The following ANKS1B variants were observed in gnomAD, a reference collection of about 807,000 sequenced individuals.
The protein encoded by ANKS1B is ankyrin repeat and sterile alpha motif domain-containing protein 1B.
Under a neutral mutation model 148.3 loss-of-function variants are expected in ANKS1B, and 36 were observed. The observed-to-expected ratio is 0.24, with a 90% CI of 0.19 to 0.32. The LOEUF is 0.32. Ranked by LOEUF, ANKS1B falls within the 10% of genes least tolerant of loss-of-function variation. The probability of loss-of-function intolerance (pLI) is 1.00; values close to 1 mark genes in which losing one functional copy is unlikely to be tolerated. For missense variants in ANKS1B, 1,157 were observed against 1,542.6 expected (o/e 0.75, Z 4.19); for synonymous variants, 542 against 560.8 (o/e 0.97, Z 0.47).
At chr12:98,862,170 T>C (rs970619457) in intron 17 of ANKS1B, among the ~76,000 whole-genome samples, 2 of 152,200 alleles carry the variant, frequency 1.3e-5, no homozygotes, top group Non-Finnish European at 2.9e-5. Context: ...TATGCTGACA[T>C]TAAAGTTTCC....
At chr12:98,961,512 A>C (rs2099871399) in intron 17 of ANKS1B, among the ~76,000 whole-genome samples, 1 of 152,202 alleles carries the variant, frequency 6.6e-6, no homozygotes, top group Non-Finnish European at 1.5e-5. Flanking sequence ...CTGAAAGAAA[A>C]GGACATTAAT....
intron 1 of ANKS1B, among the ~76,000 whole-genome samples, chr12:99,901,714 C>T (rs2093607135): frequency 6.6e-6 from 1 of 152,170 alleles, no homozygotes; most frequent in Admixed American, 6.5e-5. Context: ...AACATCAGTG[C>T]TTTCTACTAC....
intron 26 of ANKS1B, among the ~76,000 whole-genome samples, chr12:98,748,159 G>A (rs1331499556): frequency 6.6e-6 from 1 of 152,098 alleles, no homozygotes; most frequent in Non-Finnish European, 1.5e-5. Flanking sequence ...TTACTGATAT[G>A]ATCATTACAT....
At chr12:99,550,332 C>A (rs1002836613) in intron 9 of ANKS1B, among the ~76,000 whole-genome samples, 4 of 152,116 alleles carry the variant, frequency 2.6e-5, no homozygotes, top group African/African-American at 9.7e-5. Flanking sequence ...TATATTTAGT[C>A]AAAATTTCCA....
chr12:99,419,700 A>G (rs911423719), intron 11 of ANKS1B, among the ~76,000 whole-genome samples: 3 of 152,022 alleles, frequency 2.0e-5, no homozygotes, highest in Admixed American at 6.6e-5. Flanking sequence ...ATAGGGTCTC[A>G]CTCTATCCCC....
At chr12:99,026,783 A>T (rs184549622) in intron 17 of ANKS1B, among the ~76,000 whole-genome samples, 81 of 152,322 alleles carry the variant, frequency 5.3e-4, no homozygotes, top group African/African-American at 1.9e-3. Flanking sequence ...ATTCAGATTT[A>T]CAGGAAAGAA....
Position 99,123,013 on chromosome 12 carries a change from T to TATATATATATATAA in ANKS1B, c.2526+31275_2526+31276insTTATATATATATAT, listed in dbSNP as rs1406812994. On this transcript the variant is annotated intron_variant, in intron 15 of 26. Transcript: ENST00000683438. ...TAAAAAAAAAATATATATATATATA[T>TATATATATATATAA]AAACATGTATATAAACCAACAAAAC... 1.8e-3 allele frequency among the ~76,000 whole-genome samples: 257 copies of TATATATATATATAA among 145,632 alleles called. 1 individual carries two copies. The highest frequency in any genetic ancestry group is 6.3e-3 in the African/African-American group (247 of 39,432).
intron 17 of ANKS1B, among the ~76,000 whole-genome samples, chr12:98,998,330 T>C (rs979157843): frequency 6.6e-6 from 1 of 152,226 alleles, no homozygotes; most frequent in South Asian, 2.1e-4. Context: ...TTTACTTATA[T>C]ATTATTATTA....
rs550347774 is a variant in ANKS1B, at chr12:99,588,010, G to C, written c.1272+67057C>G. Among the ~76,000 whole-genome samples, 4 of 152,178 alleles carry C rather than the reference G, an allele frequency of 2.6e-5. No individual in the cohort carries two copies. The East Asian group carries it at 5.8e-4, about 22-fold the overall frequency. ...AGCCTAGATGTACGAGTTACATTGA[G>C]TCAGATATTATGACATATTACATAG... On this transcript the variant is annotated intron_variant, in intron 9 of 26. Transcript: ENST00000683438.
intron 17 of ANKS1B, among the ~76,000 whole-genome samples, chr12:98,881,106 A>C (rs563467237): frequency 4.3e-4 from 66 of 152,334 alleles, no homozygotes; most frequent in African/African-American, 1.6e-3. Context: ...AATAGTATGG[A>C]AAGTGGAGAA....
chr12:99,623,555 A>C (rs1200994641), intron 9 of ANKS1B, among the ~76,000 whole-genome samples: 1 of 152,044 alleles, frequency 6.6e-6, no homozygotes, highest in Admixed American at 6.6e-5. Context: ...ACAAAGTTTC[A>C]GAATATGAAA....
chr12:99,935,979 C>T (rs980729309), intron 1 of ANKS1B, among the ~76,000 whole-genome samples: 2 of 152,124 alleles, frequency 1.3e-5, no homozygotes, highest in African/African-American at 2.4e-5. Flanking sequence ...GCAGAAGGCA[C>T]CTCCTCACAG....
chr12:99,387,435 G>T (rs148087722), intron 12 of ANKS1B, among the ~76,000 whole-genome samples: 1 of 152,148 alleles, frequency 6.6e-6, no homozygotes. Flanking sequence ...GGCCAACATG[G>T]TGAAAGCCCA....
chr12:99,212,838 G>C (rs1328815626), intron 14 of ANKS1B, among the ~76,000 whole-genome samples: 2 of 152,170 alleles, frequency 1.3e-5, no homozygotes, highest in Non-Finnish European at 2.9e-5. Flanking sequence ...TCTATTTACA[G>C]AGTGCCTACG....
chr12:98,835,595 AAAG>A (rs2099358219), intron 17 of ANKS1B, among the ~76,000 whole-genome samples: 1 of 152,212 alleles, frequency 6.6e-6, no homozygotes, highest in South Asian at 2.1e-4. Context: ...ACCCAATTTA[AAAG>A]AATATGCTCT....
intron 17 of ANKS1B, among the ~76,000 whole-genome samples, chr12:98,862,638 A>C (rs1446937778): frequency 2.0e-5 from 3 of 152,194 alleles, no homozygotes; most frequent in Non-Finnish European, 2.9e-5. Context: ...GCAATGACTG[A>C]CTTTTAGATA....
chr12:99,602,099 G>A lies in ANKS1B; in HGVS notation c.1272+52968C>T, dbSNP rs71462286. Among the ~76,000 whole-genome samples the A allele has an allele frequency of 4.5e-3, 677 of 152,052 alleles. 5 individuals carry two copies. The highest frequency in any genetic ancestry group is 7.8e-3 in the Non-Finnish European group (529 of 67,946). On this transcript the variant is annotated intron_variant, in intron 9 of 26. Coordinates refer to ENST00000683438, the MANE Select transcript of ANKS1B (RefSeq NM_001352186.2). ...AGCAGGCATAAAAAGGGCAGGAGAA[G>A]GTCAGAAAGATCTTGCTTCTGTGAC...
chr12:99,812,558 C>CAG (rs113030122), intron 2 of ANKS1B, among the ~76,000 whole-genome samples: 101 of 73,700 alleles, frequency 1.4e-3, no homozygotes, highest in Middle Eastern at 7.8e-3. Context: ...CACACACACA[C>CAG]AGAGAGAGAG....
At chr12:99,718,571 C>A (rs1030910517) in intron 8 of ANKS1B, among the ~76,000 whole-genome samples, 8 of 152,206 alleles carry the variant, frequency 5.3e-5, no homozygotes, top group African/African-American at 1.9e-4. Context: ...CCTATAAACT[C>A]TCCTTACAAT....
Sources: allele counts gnomAD v4.1 joint callset (sites outside exome capture counted in the v4.1 genomes callset), GRCh38; gene constraint gnomAD v4.1.1; transcripts MANE v1.5; gene names NCBI Gene and HGNC (gene_info 2026-07-23, HGNC 2026-07-21).